GAB1: variants seen among roughly 807,000 people sequenced by gnomAD.
The protein encoded by GAB1 is GRB2 associated binding protein 1.
Under a neutral mutation model 66.5 loss-of-function variants are expected in GAB1, and 19 were observed. That is an observed-to-expected ratio of 0.29 (90% CI 0.20 to 0.42). GAB1 has a LOEUF of 0.42. GAB1 is among the 10% of genes least tolerant of loss of function. The pLI, the probability that GAB1 is intolerant of heterozygous loss-of-function variation, is 1.00. For missense variants in GAB1, 732 were observed against 858.5 expected (o/e 0.85, Z 1.84); for synonymous variants, 294 against 301.4 (o/e 0.98, Z 0.25).
chr4:143,412,614 G>A (rs545756833), intron 1 of GAB1, among the ~76,000 whole-genome samples: 21 of 152,112 alleles, frequency 1.4e-4, no homozygotes, highest in Non-Finnish European at 2.2e-4. Context: ...AAATCACTAC[G>A]TAGGTAAGTA....
intron 6 of GAB1, among the ~76,000 whole-genome samples, chr4:143,447,266 T>G (rs1734608751): frequency 6.6e-6 from 1 of 152,186 alleles, no homozygotes; most frequent in African/African-American, 2.4e-5. Flanking sequence ...TAGGATTGAC[T>G]TGGCGATGCG....
intron 1 of GAB1, among the ~76,000 whole-genome samples, chr4:143,364,179 A>ACTTC (rs1317608058): frequency 6.8e-6 from 1 of 146,522 alleles, no homozygotes; most frequent in African/African-American, 2.6e-5. Context: ...CAAGAGGGAA[A>ACTTC]CTTCGTCTCC....
At chr4:143,348,689 G>A (rs141705884) in intron 1 of GAB1, among the ~76,000 whole-genome samples, 1 of 152,210 alleles carries the variant, frequency 6.6e-6, no homozygotes, top group African/African-American at 2.4e-5. Flanking sequence ...GCTCGAAGCT[G>A]TTCTGCCGCG....
intron 1 of GAB1, among the ~76,000 whole-genome samples, chr4:143,363,712 A>G (rs1414574793): frequency 1.3e-5 from 2 of 152,138 alleles, no homozygotes; most frequent in Non-Finnish European, 1.5e-5. Context: ...GCACTGTTTT[A>G]GGTTCATATA....
chr4:143,449,928 G>T (rs1488382394), intron 6 of GAB1, among the ~76,000 whole-genome samples: 1 of 151,868 alleles, frequency 6.6e-6, no homozygotes, highest in African/African-American at 2.4e-5. Flanking sequence ...TGCACCTTAG[G>T]AGTAAAGCCT....
At chr4:143,464,607 A>G (rs953337257) in intron 8 of GAB1, among the ~76,000 whole-genome samples, 2 of 152,160 alleles carry the variant, frequency 1.3e-5, no homozygotes, top group Non-Finnish European at 2.9e-5. Flanking sequence ...TCAAGTAGGA[A>G]TATTACATTT....
chr4:143,393,935 A>G (rs1467582643), intron 1 of GAB1, among the ~76,000 whole-genome samples: 1 of 152,188 alleles, frequency 6.6e-6, no homozygotes, highest in Admixed American at 6.5e-5. Flanking sequence ...TGGAAATAAA[A>G]GATGTGGAAG....
chr4:143,361,926 T>A (rs1205998012), intron 1 of GAB1, among the ~76,000 whole-genome samples: 2 of 150,450 alleles, frequency 1.3e-5, no homozygotes, highest in Non-Finnish European at 3.0e-5. Context: ...TTTTTTTTTG[T>A]TTTTTGTTTT....
intron 1 of GAB1, among the ~76,000 whole-genome samples, chr4:143,385,934 G>T (rs769740208): frequency 3.9e-5 from 6 of 152,144 alleles, no homozygotes; most frequent in Non-Finnish European, 1.5e-5. Flanking sequence ...GAGCCCAGGA[G>T]TTCAAGACAA....
intron 8 of GAB1, among the ~76,000 whole-genome samples, chr4:143,464,327 C>T (rs1735664018): frequency 6.6e-6 from 1 of 152,146 alleles, no homozygotes; most frequent in Admixed American, 6.5e-5. Context: ...CCTCCGGGTT[C>T]AAGCGATTAT....
chr4:143,438,316 C>A lies in GAB1; in HGVS notation c.911C>A (p.Ser304Tyr), dbSNP rs376194781. 89 of 1,613,602 alleles carry A rather than the reference C, an allele frequency of 5.5e-5. No individual in the cohort carries two copies. The highest frequency in any genetic ancestry group is 7.2e-5 in the Non-Finnish European group (85 of 1,179,708). Reference protein sequence around the residue: ...SSVETQMRHVSISYDIPPTPG... With the variant: ...SSVETQMRHVYISYDIPPTPG... The stretch of plus-strand genomic sequence containing the variant: ...GTAGAGACTCAAATGAGGCATGTAT[C>A]TATTAGTTATGACATTCCTCCAACA... The change falls in exon 4 of 10, where the codon TCT becomes TAT. Residue 304 changes from serine (S) to tyrosine (Y), a missense_variant. Physicochemically the swap from Ser to Tyr is moderately radical, Grantham distance 144 (BLOSUM62 -2). Around this residue, in one of 4 missense-constraint regions of GAB1, gnomAD observed 427 missense variants for 420.6 expected, o/e 1.02. Transcript: ENST00000262994.
chr4:143,458,295 C>T (rs1735301300), intron 6 of GAB1, among the ~76,000 whole-genome samples: 1 of 152,016 alleles, frequency 6.6e-6, no homozygotes, highest in Non-Finnish European at 1.5e-5. Flanking sequence ...ATGGTTTCAG[C>T]TCAAATTAGT....
intron 1 of GAB1, among the ~76,000 whole-genome samples, chr4:143,368,356 G>T (rs865931126): frequency 6.6e-6 from 1 of 152,114 alleles, no homozygotes; most frequent in Non-Finnish European, 1.5e-5. Flanking sequence ...ACAATTGTCA[G>T]TTTTCTTACA....
In GAB1 at chr4:143,461,336, G is replaced by T. The variant is rs566172235; in HGVS notation, c.1803+849G>T. On this transcript the variant is annotated intron_variant, in intron 8 of 9. Transcript: ENST00000262994. ...TTTCTCATGGAAAAGTCTAGAGAGA[G>T]TCAATCCAAGGCTGTTGTGGCAGCT... 3.7e-4 allele frequency among the ~76,000 whole-genome samples: 56 copies of T among 152,294 alleles called. 1 individual carries two copies. The Middle Eastern group carries it at 0.01, about 28-fold the overall frequency.
chr4:143,349,606 A>G lies in GAB1; in HGVS notation c.72+12346A>G, dbSNP rs1581214365. 2.0e-6 allele frequency: 3 copies of G among 1,474,124 alleles called. No homozygotes were observed. In the South Asian group the frequency reaches 3.5e-5, roughly 17 times the overall value. The allele number at this position is 1,474,124 out of a possible 1,614,324, so 91.3% of individuals were successfully genotyped here. A position where few individuals can be genotyped will look rare whatever the true frequency, so the allele number is the denominator to read the frequency against. On this transcript the variant is annotated intron_variant, in intron 1 of 9. Coordinates refer to ENST00000262994, the MANE Select transcript of GAB1 (RefSeq NM_002039.4). Reference sequence around the variant, plus strand: ...CAGCACAGAGCCGCAGCGGCCTGTCACCTTGCAAGGGACGGTGTGGGGCTT... The same window carrying G: ...CAGCACAGAGCCGCAGCGGCCTGTCGCCTTGCAAGGGACGGTGTGGGGCTT...
At chr4:143,441,107 C>T (rs1157554047) in intron 6 of GAB1, among the ~76,000 whole-genome samples, 3 of 151,956 alleles carry the variant, frequency 2.0e-5, no homozygotes, top group African/African-American at 4.8e-5. Context: ...CCATGCTGGC[C>T]TTCATAAGTA....
intron 1 of GAB1, among the ~76,000 whole-genome samples, chr4:143,413,472 C>T (rs956844964): frequency 2.6e-5 from 4 of 152,106 alleles, no homozygotes; most frequent in South Asian, 2.1e-4. Flanking sequence ...CTTTGAGCTG[C>T]GTGAAGAATG....
Position 143,460,422 on chromosome 4 carries a change from A to C in GAB1, c.1738A>C (p.Ser580Arg). 6.2e-7 allele frequency: 1 copy of C among 1,613,612 alleles called. No homozygotes were observed. The highest frequency in any genetic ancestry group is 1.1e-5 in the South Asian group (1 of 91,070). The change falls in exon 8 of 10, where the codon AGT becomes CGT. Residue 580 changes from serine to arginine, a missense_variant. Ser to Arg is a moderately radical substitution (Grantham distance 110). Around this residue, in one of 4 missense-constraint regions of GAB1, gnomAD observed 204 missense variants for 276.8 expected, o/e 0.74. Transcript: ENST00000262994. ...PDSVHSTTSS[S>R]DSHDSEENYV... ...TTCAGTGCATAGCACAACTTCAAGC[A>C]GTGACTCACACGACAGTGAAGAGAA... is the stretch of plus-strand genomic sequence containing the variant.
chr4:143,374,341 T>C (rs1274498179), intron 1 of GAB1, among the ~76,000 whole-genome samples: 5 of 152,186 alleles, frequency 3.3e-5, no homozygotes, highest in East Asian at 1.9e-4. Flanking sequence ...CCTGTGCCGA[T>C]TGGGGAATCA....
Sources: gnomAD v4.1 joint callset for allele counts (sites outside exome capture counted in the v4.1 genomes callset) on GRCh38, gnomAD v4.1.1 for gene constraint, gnomAD v4.1.1 regional missense constraint, MANE v1.5 for transcripts, NCBI Gene and HGNC (gene_info 2026-07-23, HGNC 2026-07-21) for gene names.